TMEM71: variants seen among roughly 807,000 people sequenced by gnomAD.
The protein encoded by TMEM71 is transmembrane protein 71.
In TMEM71, 44 loss-of-function variants were observed where a neutral mutation model predicts 38.0. The ratio of observed to expected loss-of-function variants is 1.16; its 90% CI spans 0.91 to 1.49. TMEM71 has a LOEUF of 1.49. TMEM71 is among the 40% of genes most tolerant of loss of function. The pLI is 0.00. For missense variants in TMEM71, 367 were observed against 348.6 expected, an observed-to-expected ratio of 1.05 and a Z score of -0.42; for synonymous variants, 133 against 122.5, an observed-to-expected ratio of 1.09 and a Z score of -0.56.
Position 132,724,410 on chromosome 8 carries a change from C to T in TMEM71, c.677-2295G>A, listed in dbSNP as rs143791862. Among the ~76,000 whole-genome samples, 1,088 of 152,186 alleles carry T rather than the reference C, an allele frequency of 7.1e-3. 16 individuals are homozygous for T. Among genetic ancestry groups the T allele is most frequent in the African/African-American group, 0.025 (1,049 of 41,536 alleles). ...TTCCTAGGGTCTTAATATTAATATT[C>T]CTTGCTAGGAAAAGAATTTAGCGAT... is the stretch of plus-strand genomic sequence containing the variant. On this transcript the variant is annotated intron_variant, in intron 6 of 9. Transcript: ENST00000677595.
At chr8:132,729,449 C>T (rs764480510) in intron 5 of TMEM71, among the ~76,000 whole-genome samples, 4 of 152,114 alleles carry the variant, frequency 2.6e-5, no homozygotes, top group Non-Finnish European at 5.9e-5. Flanking sequence ...GGTAAGAATT[C>T]GTGCCAGTTT....
intron 6 of TMEM71, 92 bp from the exon 7 acceptor site, chr8:132,722,207 A>G: frequency 1.3e-6 from 1 of 768,048 alleles, no homozygotes. Context: ...CCTTGTACCC[A>G]CCAAAAAAAA....
chr8:132,774,768 G>A, the TMEM71 span, among the ~76,000 whole-genome samples: 3 of 151,778 alleles, frequency 2.0e-5, no homozygotes, highest in East Asian at 1.9e-4. Context: ...GTGTAGTCTT[G>A]GGGAAGTGAT....
chr8:132,751,968 T>C lies in TMEM71; in HGVS notation c.131A>G (p.His44Arg), dbSNP rs139507519. ...ATCTATGGAGCCGCATTCAAAAGAA[T>C]GGTAACCATCCAGGGAATCACAGGT... ...SFTCDSLDGY[H>R]SFECGSIDPL... Residue 44 changes from histidine to arginine, a missense_variant, in exon 4 of 10, where the codon CAT becomes CGT. Coordinates refer to ENST00000677595, the MANE Select transcript of TMEM71 (RefSeq NM_001382403.1). 5.0e-6 allele frequency: 8 copies of C among 1,613,984 alleles called. No homozygotes were observed. The highest frequency in any genetic ancestry group is 1.3e-5 in the African/African-American group (1 of 74,922).
intron 9 of TMEM71, among the ~76,000 whole-genome samples, chr8:132,712,284 G>A (rs1456784070): frequency 6.6e-6 from 1 of 152,074 alleles, no homozygotes; most frequent in Non-Finnish European, 1.5e-5. Flanking sequence ...ATCAAAGAAA[G>A]GATCTCCTTC....
downstream of TMEM71, among the ~76,000 whole-genome samples, chr8:132,707,338 AT>A (rs1489778891): frequency 6.6e-6 from 1 of 152,044 alleles, no homozygotes; most frequent in Non-Finnish European, 1.5e-5. Flanking sequence ...AGCTAGCAAG[AT>A]TTCGTCTCTT....
intron 5 of TMEM71, among the ~76,000 whole-genome samples, chr8:132,733,278 C>T (rs1011620926): frequency 6.6e-6 from 1 of 152,174 alleles, no homozygotes; most frequent in Non-Finnish European, 1.5e-5. Context: ...TCATAGTTAG[C>T]ATTCAGTAAG....
Position 132,747,066 on chromosome 8 carries a change from G to A in TMEM71, c.363C>T (p.Phe121=). 1 of 1,612,878 alleles carries A rather than the reference G, an allele frequency of 6.2e-7. No homozygotes were observed. The highest frequency in any genetic ancestry group is 8.5e-7 in the Non-Finnish European group (1 of 1,179,654). Residue 121 remains phenylalanine (F), a synonymous_variant, in exon 5 of 10, where the codon TTC becomes TTT. Coordinates refer to ENST00000677595, the MANE Select transcript of TMEM71 (RefSeq NM_001382403.1). ...KRICHSFSSL[F]NLSTSKSWLH... is the part of the protein sequence containing the mutation. The stretch of plus-strand genomic sequence containing the variant: ...GCCAAGATTTGGAGGTACTGAGGTT[G>A]AAGAGAGAAGAAAAGGAATGGCAGA...
chr8:132,758,807 G>A (rs770013901), intron 2 of TMEM71, 33 bp downstream of exon 2: 1 of 1,596,888 alleles, frequency 6.3e-7, no homozygotes, highest in Non-Finnish European at 8.6e-7. Flanking sequence ...TCGTTCAAAA[G>A]ATAATTGCGT....
chr8:132,753,497 C>T (rs550502255), intron 3 of TMEM71, among the ~76,000 whole-genome samples: 1 of 152,222 alleles, frequency 6.6e-6, no homozygotes, highest in South Asian at 2.1e-4. Flanking sequence ...TCTGCAGCCC[C>T]ACCAAATTCT....
At chr8:132,753,943 A>C (rs1003798940) in intron 3 of TMEM71, among the ~76,000 whole-genome samples, 1 of 151,932 alleles carries the variant, frequency 6.6e-6, no homozygotes, top group Non-Finnish European at 1.5e-5. Context: ...GAGAGTTTCC[A>C]TGTCCTCCCT....
At chr8:132,746,861 T>C (rs1586801766) in intron 5 of TMEM71, 81 bp downstream of exon 5, 1 of 1,167,018 alleles carries the variant, frequency 8.6e-7, no homozygotes, top group Non-Finnish European at 1.2e-6. Flanking sequence ...TCCCTGGAAC[T>C]GACATTGGTT....
chr8:132,726,220 T>C (rs1827133208), intron 6 of TMEM71, among the ~76,000 whole-genome samples: 1 of 151,580 alleles, frequency 6.6e-6, no homozygotes, highest in Non-Finnish European at 1.5e-5. Context: ...TAACCTGTCA[T>C]TTCAACACCT....
chr8:132,706,526 G>A (rs1826097153), downstream of TMEM71, among the ~76,000 whole-genome samples: 1 of 151,996 alleles, frequency 6.6e-6, no homozygotes, highest in Non-Finnish European at 1.5e-5. Context: ...TCTTGATGAG[G>A]TACAAAGTAT....
intron 6 of TMEM71, among the ~76,000 whole-genome samples, chr8:132,727,320 G>A (rs1446953059): frequency 2.0e-5 from 3 of 150,440 alleles, no homozygotes; most frequent in East Asian, 2.0e-4. Flanking sequence ...GCAATGGCGC[G>A]ATCTCAGCTC....
intron 5 of TMEM71, among the ~76,000 whole-genome samples, chr8:132,740,667 A>G (rs1827985170): frequency 1.3e-5 from 2 of 152,358 alleles, no homozygotes; most frequent in Non-Finnish European, 2.9e-5. Flanking sequence ...CTGAAAGATC[A>G]GTGTGATCTG....
intron 5 of TMEM71, among the ~76,000 whole-genome samples, chr8:132,744,853 T>C (rs1198598329): frequency 6.6e-6 from 1 of 152,146 alleles, no homozygotes; most frequent in Non-Finnish European, 1.5e-5. Flanking sequence ...CGAAATGGAA[T>C]AGAGAACCCA....
At chr8:132,723,897 G>T (rs973524812) in intron 6 of TMEM71, among the ~76,000 whole-genome samples, 3 of 152,194 alleles carry the variant, frequency 2.0e-5, no homozygotes, top group Non-Finnish European at 4.4e-5. Flanking sequence ...GCCAGTCTGA[G>T]AAATAAACAG....
chr8:132,747,589 A>G (rs1398266529), intron 4 of TMEM71, among the ~76,000 whole-genome samples: 1 of 152,214 alleles, frequency 6.6e-6, no homozygotes, highest in African/African-American at 2.4e-5. Flanking sequence ...GTCTGCCTCC[A>G]CGGTCTTTGC....
Sources: gnomAD v4.1 joint callset for allele counts (sites outside exome capture counted in the v4.1 genomes callset) on GRCh38, gnomAD v4.1.1 for gene constraint, MANE v1.5 for transcripts, NCBI Gene and HGNC (gene_info 2026-07-23, HGNC 2026-07-21) for gene names.